HHIPL1: variants seen among roughly 807,000 people sequenced by gnomAD.
The protein encoded by HHIPL1 is HHIP like 1, also known as HHIP-like protein 1.
Under a neutral mutation model 61.8 loss-of-function variants are expected in HHIPL1, and 43 were observed. The ratio of observed to expected loss-of-function variants is 0.70; its 90% CI spans 0.55 to 0.90. The LOEUF (loss-of-function observed/expected upper bound fraction) is 0.90, where lower values mean the gene tolerates loss of function less well. HHIPL1 is among the 40% of genes least tolerant of loss of function. HHIPL1 has a pLI of 0.00. For synonymous variants in HHIPL1, 482 were observed against 515.8 expected, an observed-to-expected ratio of 0.93 and a Z score of 0.89; for missense variants, 1,056 against 1,157.7, an observed-to-expected ratio of 0.91 and a Z score of 1.28.
At chr14:99,628,450 G>A in the HHIPL1 span, among the ~76,000 whole-genome samples, 452 of 151,912 alleles carry the variant, frequency 3.0e-3, 4 homozygotes, top group African/African-American at 0.01. Context: ...GCCTGGTGGC[G>A]GGCATCTGTA....
Position 99,652,505 on chromosome 14 carries a change from G to A in HHIPL1, c.537G>A (p.Lys179=), listed in dbSNP as rs2055951097. ...SNLGHVVADA[K]GCLQLCLEEV... is the part of the protein sequence containing the mutation. Reference sequence around the variant, plus strand: ...TGGGCCACGTGGTAGCCGATGCCAAGGGCTGCCTGCAGCTGTGCCTGGAGG... The same window carrying A: ...TGGGCCACGTGGTAGCCGATGCCAAAGGCTGCCTGCAGCTGTGCCTGGAGG... Residue 179 remains lysine, a synonymous_variant, in exon 2 of 9, where the codon AAG becomes AAA. Transcript: ENST00000330710. 6.2e-7 allele frequency: 1 copy of A among 1,613,754 alleles called. No homozygotes were observed. Among genetic ancestry groups the A allele is most frequent in the African/African-American group, 1.3e-5 (1 of 75,062 alleles).
chr14:99,618,473 C>T, the HHIPL1 span, among the ~76,000 whole-genome samples: 78 of 151,300 alleles, frequency 5.2e-4, no homozygotes, highest in African/African-American at 1.7e-3. Context: ...GGCTTCTCTT[C>T]GCCTCATGGT....
chr14:99,659,357 C>G, intron 3 of HHIPL1, 71 bp from the exon 4 acceptor site: 1 of 1,262,098 alleles, frequency 7.9e-7, no homozygotes, highest in Non-Finnish European at 1.0e-6. Context: ...GCCCCAGCAC[C>G]TGCCCCGCGG....
chr14:99,654,704 G>A (rs2055999765), intron 2 of HHIPL1, among the ~76,000 whole-genome samples: 3 of 152,188 alleles, frequency 2.0e-5, no homozygotes, highest in Non-Finnish European at 2.9e-5. Context: ...TAGCTATGAA[G>A]GCTAATGTGA....
chr14:99,650,393 A>G (rs34146338), intron 1 of HHIPL1, among the ~76,000 whole-genome samples: 19,662 of 152,160 alleles, frequency 0.13, 1,602 homozygotes, highest in East Asian at 0.28. Context: ...GGCCTGGTGG[A>G]CTCACAGGTG....
At chr14:99,656,083 G>A (rs540853434) in intron 2 of HHIPL1, among the ~76,000 whole-genome samples, 61 of 152,366 alleles carry the variant, frequency 4.0e-4, no homozygotes, top group African/African-American at 1.5e-3. Flanking sequence ...TAGGGTGAGT[G>A]TGGCGCTGAG....
In HHIPL1 at chr14:99,672,308, C is replaced by T. The variant is rs776099977; in HGVS notation, c.1731-9C>T. 6.4e-6 allele frequency: 10 copies of T among 1,550,754 alleles called. No homozygotes were observed. The highest frequency in any genetic ancestry group is 6.0e-5 in the South Asian group (5 of 84,032). On this transcript the variant is annotated splice_polypyrimidine_tract_variant and intron_variant, in intron 7 of 8. Coordinates refer to ENST00000330710, the MANE Select transcript of HHIPL1 (RefSeq NM_001127258.3). ...GTGAGACTCATAACCTCCTGTGTGT[C>T]GTTGGCAGGCGGGCACCACCTGGCA...
intron 2 of HHIPL1, among the ~76,000 whole-genome samples, chr14:99,653,147 C>G (rs1232464754): frequency 6.6e-6 from 1 of 152,164 alleles, no homozygotes; most frequent in East Asian, 1.9e-4. Flanking sequence ...TCATTTGATT[C>G]TCCTAAAACC....
In HHIPL1 at chr14:99,645,285, C is replaced by T; in HGVS notation, c.78C>T (p.Phe26=). ...CCGCGCATCCGCAGTGCCTGGACTT[C>T]AGGCCGCCCTTCCGGCCGACGCAGC... ...GAAAHPQCLD[F]RPPFRPTQPL... is the part of the protein sequence containing the mutation. Residue 26 remains phenylalanine, a synonymous_variant, in exon 1 of 9, where the codon TTC becomes TTT. Coordinates refer to ENST00000330710, the MANE Select transcript of HHIPL1 (RefSeq NM_001127258.3). The T allele has an allele frequency of 2.1e-6, 3 of 1,447,660 alleles. No individual in the cohort carries two copies. Among genetic ancestry groups the T allele is most frequent in the Non-Finnish European group, 1.8e-6 (2 of 1,104,672 alleles). The allele number at this position is 1,447,660 out of a possible 1,614,324, so 89.7% of individuals were successfully genotyped here. A position where few individuals can be genotyped will look rare whatever the true frequency, so the allele number is the denominator to read the frequency against.
rs142957860 is a variant in HHIPL1 at position 99,652,430 on chromosome 14, G to A, written c.462G>A (p.Thr154=). ...GCCGCTACCTGTCCCTGGATGACAC[G>A]GACTACTGCTTCCCTTACCTGCTGG... ...RFCRYLSLDD[T]DYCFPYLLVN... Residue 154 remains threonine (T), a synonymous_variant, in exon 2 of 9, where the codon ACG becomes ACA. Coordinates refer to ENST00000330710, the MANE Select transcript of HHIPL1 (RefSeq NM_001127258.3). The A allele has an allele frequency of 2.2e-3, 3,556 of 1,614,182 alleles. 18 individuals carry two copies. The highest frequency in any genetic ancestry group is 2.7e-3 in the Non-Finnish European group (3,154 of 1,180,032).
the HHIPL1 span, among the ~76,000 whole-genome samples, chr14:99,610,218 A>G: frequency 1.3e-5 from 2 of 152,174 alleles, no homozygotes; most frequent in East Asian, 3.8e-4. Context: ...TTCTTTGCAG[A>G]GCTGGCTATT....
Position 99,645,395 on chromosome 14 carries a change from TG to T in HHIPL1, c.190del (p.Ala64ArgfsTer112). 7.0e-7 allele frequency: 1 copy of T among 1,419,384 alleles called. No homozygotes were observed. Among genetic ancestry groups the T allele is most frequent in the Non-Finnish European group, 9.2e-7 (1 of 1,088,954 alleles). The allele number at this position is 1,419,384 out of a possible 1,614,324, so 87.9% of individuals were successfully genotyped here. Reference protein sequence around the residue: ...DAELTRRFWALASRVDAAEWA... With the variant: ...DAELTRRFWAXASRVDAAEWA... ...GAGCTGACCCGCCGCTTCTGGGCCCTGGCGAGCCGCGTGGACGCCGCCGAGT... is the reference window on the plus strand; with the variant it reads ...GAGCTGACCCGCCGCTTCTGGGCCCTGCGAGCCGCGTGGACGCCGCCGAGT... On this transcript the variant is annotated frameshift_variant, in exon 1 of 9. Coordinates refer to ENST00000330710, the MANE Select transcript of HHIPL1 (RefSeq NM_001127258.3). LOFTEE classifies it high-confidence loss of function.
upstream of HHIPL1, among the ~76,000 whole-genome samples, chr14:99,643,794 C>G (rs2055784708): frequency 6.6e-6 from 1 of 152,186 alleles, no homozygotes; most frequent in African/African-American, 2.4e-5. Context: ...GGGTATTTCT[C>G]CTCCTCTGTC....
At chr14:99,638,015 G>A in the HHIPL1 span, among the ~76,000 whole-genome samples, 7 of 152,330 alleles carry the variant, frequency 4.6e-5, no homozygotes, top group East Asian at 3.9e-4. Flanking sequence ...TAAAGGGAGC[G>A]TGGTCAAATG....
the HHIPL1 span, among the ~76,000 whole-genome samples, chr14:99,606,417 TGC>T: frequency 1.3e-5 from 2 of 152,100 alleles, no homozygotes; most frequent in African/African-American, 4.8e-5. Flanking sequence ...ATGAAGCCTG[TGC>T]ACAGAGTTGC....
chr14:99,652,916 T>C lies in HHIPL1; in HGVS notation c.902+46T>C, dbSNP rs371232448. The C allele has an allele frequency of 5.4e-5, 84 of 1,561,156 alleles. No individual in the cohort carries two copies. In the African/African-American group the frequency reaches 1.0e-3, roughly 19 times the overall value. The stretch of plus-strand genomic sequence containing the variant: ...GGGCCTGGGTGGGGGCAGGCACCCA[T>C]ATGCACTGGTGTGACAGGACCAGTT... On this transcript the variant is annotated intron_variant, in intron 2 of 8. Coordinates refer to ENST00000330710, the MANE Select transcript of HHIPL1 (RefSeq NM_001127258.3).
At position 99,668,750 on chromosome 14, in the gene HHIPL1, T is replaced by C; in HGVS notation, c.1730+447T>C. 7.4e-7 allele frequency: 1 copy of C among 1,346,742 alleles called. No homozygotes were observed. The highest frequency in any genetic ancestry group is 1.2e-5 in the South Asian group (1 of 86,248). The allele number at this position is 1,346,742 out of a possible 1,614,324, so 83.4% of individuals were successfully genotyped here. A position where few individuals can be genotyped will look rare whatever the true frequency, so the allele number is the denominator to read the frequency against. On this transcript the variant is annotated intron_variant, in intron 7 of 8. Transcript: ENST00000330710. This position sits in a 1 kb window ranked among gnomAD's most constrained non-coding sequence, Gnocchi z 4.7. ...GTGTGTCCCCGCCCCGTGCCTGCCC[T>C]TCCTCCTGTGGTCCATCTTCCACTG... is the stretch of plus-strand genomic sequence containing the variant.
rs1342202509 is a variant in HHIPL1, at chr14:99,675,350, C to T, written c.2073C>T (p.Phe691=). 3.4e-6 allele frequency: 5 copies of T among 1,477,502 alleles called. No individual in the cohort carries two copies. Among genetic ancestry groups the T allele is most frequent in the Non-Finnish European group, 4.5e-6 (5 of 1,114,986 alleles). 91.5% of individuals were successfully genotyped at this position (1,477,502 alleles called of 1,614,324 possible). ...LSSGSGRVEV[F]VGGRWGTVCD... Reference sequence around the variant, plus strand: ...CTGGCAGCGGGCGCGTGGAGGTGTTCGTGGGCGGACGCTGGGGCACCGTGT... The same window carrying T: ...CTGGCAGCGGGCGCGTGGAGGTGTTTGTGGGCGGACGCTGGGGCACCGTGT... The change falls in exon 9 of 9, where the codon TTC becomes TTT. Residue 691 remains phenylalanine (F), a synonymous_variant. Coordinates refer to ENST00000330710, the MANE Select transcript of HHIPL1 (RefSeq NM_001127258.3). The surrounding 1 kb of genome is among the most constrained non-coding windows in gnomAD (Gnocchi z 5.4).
At chr14:99,614,512 C>A in the HHIPL1 span, among the ~76,000 whole-genome samples, 1 of 152,184 alleles carries the variant, frequency 6.6e-6, no homozygotes, top group African/African-American at 2.4e-5. Flanking sequence ...CTTAGAATCA[C>A]CGGAAAGCAT....
Sources: allele counts gnomAD v4.1 joint callset (sites outside exome capture counted in the v4.1 genomes callset), GRCh38; gene constraint gnomAD v4.1.1; non-coding constraint Gnocchi (gnomAD v3.1); transcripts MANE v1.5; gene names NCBI Gene and HGNC (gene_info 2026-07-23, HGNC 2026-07-21).